The following PABPC4L variants were observed in gnomAD, a reference collection of about 807,000 sequenced individuals.
PABPC4L encodes the protein poly(A) binding protein cytoplasmic 4 like, also known as polyadenylate-binding protein 4-like.
For missense variants in PABPC4L, 452 were observed against 451.4 expected (o/e 1.00, Z -0.01); for synonymous variants, 169 against 164.1 (o/e 1.03, Z -0.23).
At chr4:134,019,878 A>C in the PABPC4L span, among the ~76,000 whole-genome samples, 1 of 152,118 alleles carries the variant, frequency 6.6e-6, no homozygotes, top group Non-Finnish European at 1.5e-5. Flanking sequence ...CCAGGGTAAA[A>C]CAGAGAACTT....
At chr4:133,986,012 C>T in the PABPC4L span, among the ~76,000 whole-genome samples, 542 of 152,032 alleles carry the variant, frequency 3.6e-3, 1 homozygote, top group Middle Eastern at 0.014. Context: ...TTGTACACAT[C>T]GAGAATACTC....
the PABPC4L span, among the ~76,000 whole-genome samples, chr4:134,144,252 A>C: frequency 2.0e-5 from 3 of 151,310 alleles, no homozygotes; most frequent in East Asian, 5.8e-4. Flanking sequence ...AAAGAAGTTC[A>C]ACTGAACAAT....
the PABPC4L span, among the ~76,000 whole-genome samples, chr4:133,951,883 A>G: frequency 6.6e-6 from 1 of 152,122 alleles, no homozygotes; most frequent in African/African-American, 2.4e-5. Flanking sequence ...AATGAGTTAA[A>G]CCTGAAATTT....
At chr4:134,006,558 G>A in the PABPC4L span, among the ~76,000 whole-genome samples, 4 of 151,870 alleles carry the variant, frequency 2.6e-5, 1 homozygote, top group African/African-American at 4.8e-5. Flanking sequence ...TCTTGCTTTG[G>A]TATGCTTGTG....
the PABPC4L span, among the ~76,000 whole-genome samples, chr4:134,123,411 A>G: frequency 6.6e-6 from 1 of 152,190 alleles, no homozygotes; most frequent in African/African-American, 2.4e-5. Context: ...AGGTGAAACA[A>G]TAACTCAGGG....
chr4:133,954,575 A>G, the PABPC4L span, among the ~76,000 whole-genome samples: 9 of 151,996 alleles, frequency 5.9e-5, no homozygotes, highest in Admixed American at 6.6e-5. Context: ...AACAGACTAT[A>G]CAGGTGAATA....
the PABPC4L span, among the ~76,000 whole-genome samples, chr4:134,167,362 T>C: frequency 6.6e-6 from 1 of 152,150 alleles, no homozygotes; most frequent in Non-Finnish European, 1.5e-5. Flanking sequence ...GCTGTGATCC[T>C]AATACTGCTC....
the PABPC4L span, among the ~76,000 whole-genome samples, chr4:133,998,148 C>T: frequency 6.6e-6 from 1 of 151,580 alleles, no homozygotes; most frequent in East Asian, 1.9e-4. Flanking sequence ...TTATTTGAAA[C>T]CTTTTCCTAT....
the PABPC4L span, among the ~76,000 whole-genome samples, chr4:133,952,832 C>A: frequency 6.6e-6 from 1 of 152,176 alleles, no homozygotes; most frequent in Admixed American, 6.5e-5. Context: ...GCGTCGGGGA[C>A]ATATAGGAGT....
chr4:134,056,930 C>G, the PABPC4L span, among the ~76,000 whole-genome samples: 1 of 151,944 alleles, frequency 6.6e-6, no homozygotes, highest in African/African-American at 2.4e-5. Flanking sequence ...CTGAATAAAC[C>G]TGAGCGCCAT....
the PABPC4L span, among the ~76,000 whole-genome samples, chr4:134,135,962 C>T: frequency 6.6e-6 from 1 of 152,130 alleles, no homozygotes; most frequent in South Asian, 2.1e-4. Context: ...AGCATAACTC[C>T]TCAATTATTT....
At chr4:134,088,962 A>G in the PABPC4L span, among the ~76,000 whole-genome samples, 94 of 152,204 alleles carry the variant, frequency 6.2e-4, no homozygotes, top group African/African-American at 2.2e-3. Flanking sequence ...AAGTAATTTC[A>G]GTTATTTGGA....
At chr4:134,141,005 T>C in the PABPC4L span, among the ~76,000 whole-genome samples, 1 of 151,884 alleles carries the variant, frequency 6.6e-6, no homozygotes, top group East Asian at 1.9e-4. Context: ...CAAATATGTA[T>C]AGATTTGAAA....
the PABPC4L span, among the ~76,000 whole-genome samples, chr4:134,088,906 A>G: frequency 6.6e-6 from 1 of 152,126 alleles, no homozygotes; most frequent in Non-Finnish European, 1.5e-5. Flanking sequence ...TAGAACTAGC[A>G]CCTGACCTTG....
chr4:134,023,139 C>T, the PABPC4L span, among the ~76,000 whole-genome samples: 22,105 of 151,998 alleles, frequency 0.15, 1,946 homozygotes, highest in Non-Finnish European at 0.19. Context: ...ATTTGGAAGA[C>T]AGAGCCCTTA....
the PABPC4L span, among the ~76,000 whole-genome samples, chr4:134,099,996 G>T: frequency 1.5e-4 from 23 of 151,694 alleles, no homozygotes; most frequent in African/African-American, 4.8e-4. Flanking sequence ...TTTCTATCTG[G>T]AAACAGAAAC....
chr4:134,151,248 C>T, the PABPC4L span, among the ~76,000 whole-genome samples: 1 of 152,036 alleles, frequency 6.6e-6, no homozygotes, highest in East Asian at 1.9e-4. Context: ...GCACTGTATA[C>T]ACTACATACT....
the PABPC4L span, among the ~76,000 whole-genome samples, chr4:134,159,311 C>T: frequency 6.6e-6 from 1 of 152,072 alleles, no homozygotes; most frequent in Non-Finnish European, 1.5e-5. Context: ...AAACAACTAT[C>T]CATGCAAGAA....
downstream of PABPC4L, among the ~76,000 whole-genome samples, chr4:134,192,678 G>T (rs1352428687): frequency 6.6e-6 from 1 of 152,074 alleles, no homozygotes; most frequent in Admixed American, 6.6e-5. Flanking sequence ...AGAAGAATAT[G>T]ATGATGACAA....
Sources: gnomAD v4.1 joint callset for allele counts (sites outside exome capture counted in the v4.1 genomes callset) on GRCh38, gnomAD v4.1.1 for gene constraint, MANE v1.5 for transcripts, NCBI Gene and HGNC (gene_info 2026-07-23, HGNC 2026-07-21) for gene names.